Variants in CYFIP1 observed in about 807,000 individuals in gnomAD.
CYFIP1 encodes the protein cytoplasmic FMR1 interacting protein 1.
In CYFIP1, 58 loss-of-function variants were observed where a neutral mutation model predicts 163.5. The ratio of observed to expected loss-of-function variants is 0.35; its 90% CI spans 0.29 to 0.44. The LOEUF is 0.44. CYFIP1 is among the 20% of genes least tolerant of loss of function. CYFIP1 has a pLI of 1.00. For missense variants in CYFIP1, 1,338 were observed against 1,653.8 expected (o/e 0.81, Z 3.31); for synonymous variants, 663 against 660.7 (o/e 1.00, Z -0.05).
rs561032546 is a variant in CYFIP1 at position 22,879,904 on chromosome 15, G to A, written c.3042+9C>T. 5 of 1,608,390 alleles carry A rather than the reference G, an allele frequency of 3.1e-6. No homozygotes were observed. The highest frequency in any genetic ancestry group is 2.2e-5 in the East Asian group (1 of 44,820). On this transcript the variant is annotated intron_variant, in intron 26 of 30. Transcript: ENST00000617928. ...GGGCGGGGAGGGGCGGCGTTGGGGG[G>A]CCACTCACCAGGCTCTGCTCGATGA...
At chr15:22,915,129 T>A (rs1416040377) in intron 16 of CYFIP1, 1 of 352,916 alleles carries the variant, frequency 2.8e-6, no homozygotes, top group Non-Finnish European at 4.8e-6. Context: ...GGGGAAAGTG[T>A]CTTTTTTTTT....
intron 26 of CYFIP1, 79 bp from the exon 27 acceptor site, chr15:22,875,350 C>A: frequency 8.2e-7 from 1 of 1,214,086 alleles, no homozygotes; most frequent in Non-Finnish European, 1.2e-6. Context: ...CCAAGAACTT[C>A]TTTGCCTTTT....
intron 1 of CYFIP1, 172 bp from the exon 2 acceptor site, chr15:22,947,463 G>T: frequency 1.2e-6 from 1 of 864,038 alleles, no homozygotes; most frequent in Non-Finnish European, 1.7e-6. Context: ...CTCAGGGCAC[G>T]TGGGCCAGCA....
At chr15:22,964,400 CACACACA>C in intron 1 of CYFIP1, among the ~76,000 whole-genome samples, 1 of 148,066 alleles carries the variant, frequency 6.8e-6, no homozygotes, top group African/African-American at 2.6e-5. Context: ...CACACACACA[CACACACA>C]CCCGGCAGCC....
Position 22,917,651 on chromosome 15 carries a change from A to T in CYFIP1, c.1674+137T>A. On this transcript the variant is annotated intron_variant, in intron 15 of 30. Coordinates refer to ENST00000617928, the MANE Select transcript of CYFIP1 (RefSeq NM_014608.6). This position sits in a 1 kb window ranked among gnomAD's most constrained non-coding sequence, Gnocchi z 4.2. The stretch of plus-strand genomic sequence containing the variant: ...GGTGGGAAACAGAGGAGCAGCAGAA[A>T]CCACAGGCGCCACTTTCTCTGCCTG... 1.8e-6 allele frequency: 2 copies of T among 1,098,164 alleles called. No homozygotes were observed. Among genetic ancestry groups the T allele is most frequent in the Non-Finnish European group, 2.5e-6 (2 of 800,446 alleles). The allele number at this position is 1,098,164 out of a possible 1,614,324, so 68.0% of individuals were successfully genotyped here.
chr15:22,909,121 C>G, intron 21 of CYFIP1, 73 bp downstream of exon 21: 3 of 1,591,368 alleles, frequency 1.9e-6, no homozygotes, highest in Non-Finnish European at 2.6e-6. Context: ...GAGTGCATCT[C>G]TTTTATCATC....
At chr15:22,965,070 G>GTGTGTA (rs1491072219) in intron 1 of CYFIP1, among the ~76,000 whole-genome samples, 2 of 142,342 alleles carry the variant, frequency 1.4e-5, no homozygotes, top group African/African-American at 5.4e-5. Flanking sequence ...GTGTGTGTGT[G>GTGTGTA]TACACATATA....
intron 1 of CYFIP1, among the ~76,000 whole-genome samples, chr15:22,954,056 AAAAAAC>A (rs67394117): frequency 0.2 from 29,592 of 151,594 alleles, 3,163 homozygotes; most frequent in Non-Finnish European, 0.23. Context: ...GACTGTCTCA[AAAAAAC>A]AAAAACAAAA....
Position 22,871,593 on chromosome 15 carries a change from G to T in CYFIP1, c.3597+1232C>A, listed in dbSNP as rs148508024. Reference sequence around the variant, plus strand: ...CCTCCACTCCACGGGGCCTGGGCAGGTGTGGCTAAGACTGGACTGTAGAAC... The same window carrying T: ...CCTCCACTCCACGGGGCCTGGGCAGTTGTGGCTAAGACTGGACTGTAGAAC... On this transcript the variant is annotated intron_variant, in intron 30 of 30. Coordinates refer to ENST00000617928, the MANE Select transcript of CYFIP1 (RefSeq NM_014608.6). 1.7e-3 allele frequency among the ~76,000 whole-genome samples: 256 copies of T among 152,300 alleles called. 1 individual carries two copies. The highest frequency in any genetic ancestry group is 5.7e-3 in the African/African-American group (236 of 41,572).
chr15:22,940,808 A>C (rs1296089509), intron 6 of CYFIP1, among the ~76,000 whole-genome samples: 3 of 152,214 alleles, frequency 2.0e-5, no homozygotes. Flanking sequence ...TGGGAGAAGG[A>C]GGCAGGCAAA....
At chr15:22,938,217 G>A (rs955107829) in intron 8 of CYFIP1, among the ~76,000 whole-genome samples, 4 of 152,166 alleles carry the variant, frequency 2.6e-5, no homozygotes, top group African/African-American at 4.8e-5. Context: ...TAAAGAATAT[G>A]GTGAACCAAC....
At chr15:22,906,057 C>T (rs148490551) in intron 21 of CYFIP1, among the ~76,000 whole-genome samples, 1 of 152,182 alleles carries the variant, frequency 6.6e-6, no homozygotes, top group East Asian at 1.9e-4. Context: ...CTGTGCCCGG[C>T]CTTTTCTCTT....
At chr15:22,907,922 C>T (rs995890239) in intron 21 of CYFIP1, among the ~76,000 whole-genome samples, 2 of 152,192 alleles carry the variant, frequency 1.3e-5, no homozygotes, top group Non-Finnish European at 2.9e-5. Flanking sequence ...ACAAGTCTTC[C>T]GTGACACCAC....
chr15:22,941,186 G>A (rs1019293344), intron 6 of CYFIP1, among the ~76,000 whole-genome samples: 2 of 152,230 alleles, frequency 1.3e-5, no homozygotes, highest in Admixed American at 6.5e-5. Context: ...GTCCCAAGTA[G>A]CTGGGACCAC....
At chr15:22,972,244 T>C (rs1483660394) in intron 1 of CYFIP1, among the ~76,000 whole-genome samples, 1 of 152,146 alleles carries the variant, frequency 6.6e-6, no homozygotes, top group Non-Finnish European at 1.5e-5. Context: ...GAGACCAGCC[T>C]GGCCAACATG....
intron 14 of CYFIP1, 122 bp from the exon 15 acceptor site, chr15:22,918,057 T>C: frequency 9.0e-7 from 1 of 1,115,196 alleles, no homozygotes; most frequent in Non-Finnish European, 1.3e-6. Flanking sequence ...TACAAATTAC[T>C]CTGGGGGCCA....
At chr15:22,965,036 T>TTGTGTGTGTGTG (rs56857768) in intron 1 of CYFIP1, among the ~76,000 whole-genome samples, 3 of 149,412 alleles carry the variant, frequency 2.0e-5, no homozygotes, top group East Asian at 2.0e-4. Context: ...TAGTATTCCA[T>TTGTGTGTGTGTG]TGTGTGTGTG....
intron 11 of CYFIP1, among the ~76,000 whole-genome samples, chr15:22,929,653 A>G (rs1340306779): frequency 7.1e-6 from 1 of 140,200 alleles, no homozygotes; most frequent in Non-Finnish European, 1.6e-5. Flanking sequence ...AAAAAAAAAA[A>G]GGCCAGGCAC....
intron 23 of CYFIP1, among the ~76,000 whole-genome samples, chr15:22,891,037 A>G (rs1381500330): frequency 6.6e-6 from 1 of 152,000 alleles, no homozygotes; most frequent in African/African-American, 2.4e-5. Flanking sequence ...AAAGGCAAGA[A>G]CCCACTTCCT....
Sources: gnomAD v4.1 joint callset for allele counts (sites outside exome capture counted in the v4.1 genomes callset) on GRCh38, gnomAD v4.1.1 for gene constraint, Gnocchi (gnomAD v3.1) non-coding constraint, MANE v1.5 for transcripts, NCBI Gene and HGNC (gene_info 2026-07-23, HGNC 2026-07-21) for gene names.